Variants in NRXN3 observed in about 807,000 individuals in gnomAD.
NRXN3 encodes neurexin 3.
NRXN3 carries 32 observed loss-of-function variants against 137.6 expected under a neutral mutation model. That is an observed-to-expected ratio of 0.23 (90% CI 0.18 to 0.31). The LOEUF (loss-of-function observed/expected upper bound fraction) is 0.31. Ranked by LOEUF, NRXN3 falls within the 10% of genes least tolerant of loss-of-function variation. The pLI is 1.00. For missense variants in NRXN3, 1,574 were observed against 2,062.5 expected (o/e 0.76, Z 4.59); for synonymous variants, 798 against 784.5 (o/e 1.02, Z -0.29).
At chr14:78,470,506 G>C (rs774373030) in intron 4 of NRXN3, among the ~76,000 whole-genome samples, 3 of 152,088 alleles carry the variant, frequency 2.0e-5, no homozygotes, top group Non-Finnish European at 4.4e-5. Context: ...TCCTTAAAGA[G>C]TTTCCAAAAA....
At chr14:79,131,137 C>G (rs2152960453) in intron 15 of NRXN3, among the ~76,000 whole-genome samples, 1 of 152,028 alleles carries the variant, frequency 6.6e-6, no homozygotes, top group Non-Finnish European at 1.5e-5. Context: ...CCTCCCGTAG[C>G]TCAGAGTAAT....
intron 19 of NRXN3, among the ~76,000 whole-genome samples, chr14:79,712,469 A>G (rs178378): frequency 0.72 from 109,315 of 152,094 alleles, 39,529 homozygotes; most frequent in East Asian, 0.85. Flanking sequence ...GACTTGTTCC[A>G]CAACTATTCA....
chr14:78,523,812 G>A, intron 4 of NRXN3, among the ~76,000 whole-genome samples: 1 of 57,466 alleles, frequency 1.7e-5, no homozygotes, highest in Admixed American at 2.0e-4. Context: ...GCAAGACTCT[G>A]TCTCAAAAAA....
chr14:78,803,710 G>A lies in NRXN3; in HGVS notation c.2135G>A (p.Arg712His), dbSNP rs766679074. The change falls in exon 9 of 21, where the codon CGC becomes CAC. Residue 712 changes from arginine (R) to histidine (H), a missense_variant. Transcript: ENST00000335750. ...ACTGAGGCAGAGGATGTGTCCTTCC[G>A]CTTCATGTCCCAGCGAGCTTATGGG... ...MHTEAEDVSF[R>H]FMSQRAYGLL... 2.5e-6 allele frequency: 4 copies of A among 1,614,026 alleles called. No homozygotes were observed. The highest frequency in any genetic ancestry group is 2.5e-6 in the Non-Finnish European group (3 of 1,179,956).
At chr14:78,523,643 CAAAAAAAAAAA>C (rs3036598) in intron 4 of NRXN3, among the ~76,000 whole-genome samples, 2 of 77,730 alleles carry the variant, frequency 2.6e-5, no homozygotes, top group Non-Finnish European at 4.8e-5. Context: ...ACTACAAATA[CAAAAAAAAAAA>C]AAAAAAAAAA....
intron 20 of NRXN3, among the ~76,000 whole-genome samples, chr14:79,840,792 T>G (rs1008999742): frequency 6.6e-6 from 1 of 152,144 alleles, no homozygotes; most frequent in South Asian, 2.1e-4. Flanking sequence ...CTTCTGGAGG[T>G]AGGCTTCTAG....
intron 19 of NRXN3, among the ~76,000 whole-genome samples, chr14:79,739,711 A>AG (rs1298807413): frequency 6.8e-6 from 1 of 146,152 alleles, no homozygotes; most frequent in East Asian, 2.1e-4. Flanking sequence ...ATCAGGTGCC[A>AG]GGTACTCTTG....
chr14:78,904,630 G>T (rs1035896811), intron 10 of NRXN3, among the ~76,000 whole-genome samples: 3 of 151,920 alleles, frequency 2.0e-5, no homozygotes, highest in African/African-American at 7.3e-5. Context: ...CTCTCAGGAG[G>T]CCATTTTTAT....
intron 17 of NRXN3, among the ~76,000 whole-genome samples, chr14:79,688,207 A>G (rs916369106): frequency 7.9e-5 from 12 of 152,154 alleles, no homozygotes; most frequent in Non-Finnish European, 4.4e-5. Flanking sequence ...TAGTTTAAAT[A>G]TGCTGTACTC....
chr14:79,560,503 G>GTTTTTTTTT (rs1567504638), intron 16 of NRXN3, among the ~76,000 whole-genome samples: 7 of 39,564 alleles, frequency 1.8e-4, no homozygotes, highest in Non-Finnish European at 2.2e-4. Context: ...AAGATTGTAA[G>GTTTTTTTTT]CTTTTTTTTT....
At chr14:79,477,784 C>T (rs1009308219) in intron 16 of NRXN3, among the ~76,000 whole-genome samples, 1 of 151,924 alleles carries the variant, frequency 6.6e-6, no homozygotes, top group Admixed American at 6.6e-5. Context: ...TATGATGATG[C>T]ATATAGGAAG....
intron 15 of NRXN3, among the ~76,000 whole-genome samples, chr14:79,086,882 T>C (rs10149302): frequency 0.041 from 6,300 of 152,248 alleles, 475 homozygotes; most frequent in African/African-American, 0.14. Context: ...AGTAAAAAGC[T>C]TTTAAAACAT....
At chr14:79,380,880 A>T (rs747751542) in intron 15 of NRXN3, among the ~76,000 whole-genome samples, 1 of 152,130 alleles carries the variant, frequency 6.6e-6, no homozygotes, top group Admixed American at 6.6e-5. Flanking sequence ...TACTTCTAAC[A>T]TAATCTGTGA....
At chr14:78,447,807 G>A (rs139043120) in intron 4 of NRXN3, among the ~76,000 whole-genome samples, 2 of 152,194 alleles carry the variant, frequency 1.3e-5, no homozygotes, top group African/African-American at 4.8e-5. Context: ...AAGCAAGTGA[G>A]GCTCTTATAG....
intron 20 of NRXN3, among the ~76,000 whole-genome samples, chr14:79,824,389 A>G (rs2099284604): frequency 1.3e-5 from 1 of 78,750 alleles, no homozygotes; most frequent in Admixed American, 1.5e-4. Flanking sequence ...TTAGTTTATC[A>G]GGGTTTTTTG....
At chr14:78,955,507 C>T (rs2099395331) in intron 10 of NRXN3, among the ~76,000 whole-genome samples, 2 of 152,270 alleles carry the variant, frequency 1.3e-5, no homozygotes, top group South Asian at 4.1e-4. Flanking sequence ...TGTAGAATTA[C>T]TTTATTCCTA....
intron 16 of NRXN3, among the ~76,000 whole-genome samples, chr14:79,559,335 T>C (rs1214601471): frequency 6.6e-6 from 1 of 152,128 alleles, no homozygotes; most frequent in Non-Finnish European, 1.5e-5. Context: ...CATGAGACTC[T>C]TCCTTTCCCT....
intron 4 of NRXN3, among the ~76,000 whole-genome samples, chr14:78,500,225 A>C (rs2095856547): frequency 6.6e-6 from 1 of 152,162 alleles, no homozygotes; most frequent in Non-Finnish European, 1.5e-5. Context: ...TGGAAATTTT[A>C]AGTTTTCTAG....
At chr14:79,195,065 C>T (rs1045254560) in intron 15 of NRXN3, among the ~76,000 whole-genome samples, 56 of 152,102 alleles carry the variant, frequency 3.7e-4, no homozygotes, top group African/African-American at 1.3e-3. Flanking sequence ...TTTCCCTCCC[C>T]TTCTTATCCT....
Sources: gnomAD v4.1 joint callset for allele counts (sites outside exome capture counted in the v4.1 genomes callset) on GRCh38, gnomAD v4.1.1 for gene constraint, MANE v1.5 for transcripts, NCBI Gene and HGNC (gene_info 2026-07-23, HGNC 2026-07-21) for gene names.